Variants in GPRC5C observed in about 807,000 individuals in gnomAD.
The protein encoded by GPRC5C is G protein-coupled receptor family C group 5 member C.
In GPRC5C, 22 loss-of-function variants were observed where a neutral mutation model predicts 31.4. The ratio of observed to expected loss-of-function variants is 0.70; its 90% CI spans 0.50 to 1.00. The LOEUF (loss-of-function observed/expected upper bound fraction) is 1.00. Ranked by LOEUF, GPRC5C falls within the 50% of genes least tolerant of loss-of-function variation. The pLI is 0.00. For synonymous variants in GPRC5C, 249 were observed against 257.5 expected (o/e 0.97, Z 0.32); for missense variants, 557 against 597.2 (o/e 0.93, Z 0.70).
chr17:74,440,949 T>A lies in GPRC5C; in HGVS notation c.1051+122T>A. The stretch of plus-strand genomic sequence containing the variant: ...TTGAGGTTTTCTGTAGTTTTCTGCC[T>A]AAGTGTCTCTAAATTCCATTTAATT... On this transcript the variant is annotated intron_variant, in intron 2 of 3. Coordinates refer to ENST00000392627, the MANE Select transcript of GPRC5C (RefSeq NM_022036.4). This position sits in a 1 kb window ranked among gnomAD's most constrained non-coding sequence, Gnocchi z 4.4. 2 of 799,102 alleles carry A rather than the reference T, an allele frequency of 2.5e-6. No individual in the cohort carries two copies. The highest frequency in any genetic ancestry group is 3.5e-6 in the Non-Finnish European group (2 of 569,940). 49.5% of individuals were successfully genotyped at this position (799,102 alleles called of 1,614,324 possible).
chr17:74,437,495 T>C (rs966894184), intron 1 of GPRC5C, among the ~76,000 whole-genome samples: 3 of 152,198 alleles, frequency 2.0e-5, no homozygotes, highest in Non-Finnish European at 4.4e-5. Context: ...ACCTAAATAT[T>C]TTCAAGTGGC....
intron 1 of GPRC5C, chr17:74,433,638 C>A: frequency 3.1e-6 from 4 of 1,307,722 alleles, no homozygotes; most frequent in Non-Finnish European, 4.4e-6. Context: ...CATCGTCTTT[C>A]CCTATAGGCT....
In GPRC5C at chr17:74,440,358, A is replaced by G. The variant is rs1467268207; in HGVS notation, c.582A>G (p.Ala194=). 1.2e-6 allele frequency: 2 copies of G among 1,614,006 alleles called. No homozygotes were observed. The highest frequency in any genetic ancestry group is 3.3e-5 in the Admixed American group (2 of 60,002). Residue 194 remains alanine, a synonymous_variant, in exon 2 of 4, where the codon GCA becomes GCG. Transcript: ENST00000392627. This position sits in a 1 kb window ranked among gnomAD's most constrained non-coding sequence, Gnocchi z 4.4. The part of the protein sequence containing the change: ...GEGGPQGNSS[A]GWAVASPCAI... ...GCGGCCCTCAGGGCAACAGCAGCGC[A>G]GGCTGGGCCGTGGCCTCCCCCTGTG...
rs1215848762 is a variant in GPRC5C, at chr17:74,434,900, G to A, written c.-33+2759G>A. On this transcript the variant is annotated intron_variant, in intron 1 of 3. Coordinates refer to ENST00000392627, the MANE Select transcript of GPRC5C (RefSeq NM_022036.4). ...ATCATGCCATTGCACTCCAGTCTGG[G>A]CAACAAGAGTGAAGCTTCGTCTCAA... Among the ~76,000 whole-genome samples, 3 of 151,360 alleles carry A rather than the reference G, an allele frequency of 2.0e-5. No homozygotes were observed. The East Asian group carries it at 5.8e-4, about 29-fold the overall frequency.
chr17:74,449,614 G>C (rs2055691989), downstream of GPRC5C: 1 of 276,658 alleles, frequency 3.6e-6, no homozygotes, highest in Non-Finnish European at 7.3e-6. Context: ...ACAAGGAGCT[G>C]TCCGCGGGCC....
chr17:74,447,843 TC>T (rs1189069631), downstream of GPRC5C, among the ~76,000 whole-genome samples: 1 of 152,130 alleles, frequency 6.6e-6, no homozygotes, highest in African/African-American at 2.4e-5. Flanking sequence ...ACAGTGAAGA[TC>T]CCATAGCGGA....
chr17:74,436,438 C>T (rs2055432310), intron 1 of GPRC5C, among the ~76,000 whole-genome samples: 1 of 152,106 alleles, frequency 6.6e-6, no homozygotes, highest in Non-Finnish European at 1.5e-5. Context: ...CTCTACTCTG[C>T]CTGTTTCTCT....
At chr17:74,433,601 T>G (rs2055387731) in intron 1 of GPRC5C, 3 of 898,236 alleles carry the variant, frequency 3.3e-6, no homozygotes, top group Non-Finnish European at 3.7e-6. Context: ...CCGATAGGAG[T>G]GGAGGCAGGA....
intron 1 of GPRC5C, among the ~76,000 whole-genome samples, chr17:74,436,066 T>C (rs1031991148): frequency 5.3e-5 from 8 of 152,234 alleles, no homozygotes; most frequent in East Asian, 1.9e-4. Flanking sequence ...ACCCTGGCTA[T>C]GCCCCCATGA....
At chr17:74,443,715 T>C in intron 2 of GPRC5C, 103 bp from the exon 3 acceptor site, 1 of 936,022 alleles carries the variant, frequency 1.1e-6, no homozygotes, top group Non-Finnish European at 1.8e-6. Flanking sequence ...CCTGCCCCCT[T>C]TACCTCTTCC....
At chr17:74,442,147 C>A (rs1372111170) in intron 2 of GPRC5C, among the ~76,000 whole-genome samples, 1 of 152,096 alleles carries the variant, frequency 6.6e-6, no homozygotes, top group African/African-American at 2.4e-5. Context: ...GGATTACAGG[C>A]ACGTGCCACC....
chr17:74,443,815 T>C lies in GPRC5C; in HGVS notation c.1052-3T>C. 2 of 1,606,120 alleles carry C rather than the reference T, an allele frequency of 1.2e-6. No individual in the cohort carries two copies. The highest frequency in any genetic ancestry group is 1.7e-6 in the Non-Finnish European group (2 of 1,172,686). On this transcript the variant is annotated splice_region_variant and splice_polypyrimidine_tract_variant and intron_variant, in intron 2 of 3. Coordinates refer to ENST00000392627, the MANE Select transcript of GPRC5C (RefSeq NM_022036.4). The stretch of plus-strand genomic sequence containing the variant: ...TTCAAACTGTTCCTGCTTTTCCTTG[T>C]AGCTAAGAGGCCGGTGTCACCATAC...
chr17:74,448,898 C>T (rs926944839), downstream of GPRC5C: 9 of 1,289,648 alleles, frequency 7.0e-6, no homozygotes, highest in African/African-American at 1.2e-4. Flanking sequence ...AGCAGCCTCT[C>T]TCCGTGGCCC....
At chr17:74,433,794 G>A (rs1174164811) in intron 1 of GPRC5C, 1 of 1,490,276 alleles carries the variant, frequency 6.7e-7, no homozygotes, top group African/African-American at 1.4e-5. Context: ...TGACGCGCTG[G>A]AGCTCTCTTT....
chr17:74,440,636 A>G lies in GPRC5C; in HGVS notation c.860A>G (p.Asn287Ser), dbSNP rs1409540798. 3.1e-6 allele frequency: 5 copies of G among 1,607,500 alleles called. No homozygotes were observed. Among genetic ancestry groups the G allele is most frequent in the African/African-American group, 2.7e-5 (2 of 74,828 alleles). Residue 287 changes from asparagine to serine, a missense_variant, in exon 2 of 4, where the codon AAT becomes AGT. Transcript: ENST00000392627. The surrounding 1 kb of genome is among the most constrained non-coding windows in gnomAD (Gnocchi z 4.4). Reference protein sequence around the residue: ...DPTLAIALAANAWAFVLFYVI... With the variant: ...DPTLAIALAASAWAFVLFYVI... ...ACGCTGGCCATCGCCCTCGCCGCCA[A>G]TGCCTGGGCCTTCGTCCTCTTCTAC...
chr17:74,433,748 T>A, intron 1 of GPRC5C: 1 of 1,612,756 alleles, frequency 6.2e-7, no homozygotes, highest in Non-Finnish European at 8.5e-7. Flanking sequence ...AAGACAGCCA[T>A]TGGCCATGGG....
intron 1 of GPRC5C, among the ~76,000 whole-genome samples, chr17:74,435,002 G>A (rs1331583905): frequency 1.3e-5 from 2 of 151,878 alleles, no homozygotes; most frequent in African/African-American, 4.8e-5. Flanking sequence ...GGCGGATCAC[G>A]AGGTCAGGAG....
At chr17:74,434,478 G>A (rs999687661) in intron 1 of GPRC5C, among the ~76,000 whole-genome samples, 5 of 152,176 alleles carry the variant, frequency 3.3e-5, no homozygotes, top group Non-Finnish European at 5.9e-5. Context: ...GGGGAGACAC[G>A]GACATGATTT....
intron 1 of GPRC5C, among the ~76,000 whole-genome samples, chr17:74,435,994 ATG>A (rs905435663): frequency 1.3e-5 from 2 of 152,176 alleles, no homozygotes; most frequent in Non-Finnish European, 1.5e-5. Context: ...ACTGGAATGA[ATG>A]TGCCCCCCAA....
Sources: gnomAD v4.1 joint callset for allele counts (sites outside exome capture counted in the v4.1 genomes callset) on GRCh38, gnomAD v4.1.1 for gene constraint, Gnocchi (gnomAD v3.1) non-coding constraint, MANE v1.5 for transcripts, NCBI Gene and HGNC (gene_info 2026-07-23, HGNC 2026-07-21) for gene names.